Variants in FCHO2 observed in about 807,000 individuals in gnomAD.
FCHO2 encodes FCH and mu domain containing endocytic adaptor 2.
A neutral mutation model predicts 114.1 loss-of-function variants in FCHO2; 43 were observed. The observed-to-expected ratio is 0.38, with a 90% CI of 0.30 to 0.49. The LOEUF (loss-of-function observed/expected upper bound fraction) is 0.49. Ranked by LOEUF, FCHO2 falls within the 20% of genes least tolerant of loss-of-function variation. The pLI, the probability that FCHO2 is intolerant of heterozygous loss-of-function variation, is 0.97. For missense variants in FCHO2, 807 were observed against 950.4 expected (o/e 0.85, Z 1.98); for synonymous variants, 293 against 315.2 (o/e 0.93, Z 0.75).
At position 72,990,847 on chromosome 5, in the gene FCHO2, C is replaced by A. The variant is rs377383944; in HGVS notation, c.478C>A (p.Gln160Lys). The A allele has an allele frequency of 6.5e-7, 1 of 1,543,234 alleles. No homozygotes were observed. Among genetic ancestry groups the A allele is most frequent in the African/African-American group, 1.4e-5 (1 of 72,304 alleles). The change falls in exon 5 of 26, where the codon CAA (glutamine) becomes AAA (lysine). Residue 160 changes from glutamine to lysine, a missense_variant. Physicochemically the swap from Gln to Lys is moderately conservative, Grantham distance 53. Transcript: ENST00000430046. ...QERLKKEGAT[Q>K]REIEKAAVKS... ...GCGTTTGAAAAAGGAAGGAGCTACA[C>A]AAAGAGAAATAGAAAAGGTAATCAT...
chr5:72,958,712 C>T (rs1751693214), intron 1 of FCHO2, among the ~76,000 whole-genome samples: 1 of 152,106 alleles, frequency 6.6e-6, no homozygotes, highest in African/African-American at 2.4e-5. Context: ...TAGGATTAGC[C>T]TGTCAATTTT....
At chr5:73,010,109 C>T (rs1046180222) in intron 6 of FCHO2, among the ~76,000 whole-genome samples, 1 of 152,066 alleles carries the variant, frequency 6.6e-6, no homozygotes, top group Non-Finnish European at 1.5e-5. Context: ...ACTGTTTTTC[C>T]AGGCCAGCTG....
chr5:72,981,349 C>T (rs758775443), intron 2 of FCHO2, among the ~76,000 whole-genome samples: 2 of 152,128 alleles, frequency 1.3e-5, no homozygotes, highest in Admixed American at 6.5e-5. Context: ...GTGGGTAACC[C>T]GACCTTTCTC....
intron 2 of FCHO2, among the ~76,000 whole-genome samples, chr5:72,980,685 C>G (rs73098075): frequency 0.01 from 1,534 of 152,248 alleles, 27 homozygotes; most frequent in African/African-American, 0.035. Context: ...GCATTGATAC[C>G]TTTACTGTTA....
chr5:73,016,846 G>A (rs577154394), intron 7 of FCHO2, among the ~76,000 whole-genome samples: 4 of 152,164 alleles, frequency 2.6e-5, no homozygotes, highest in African/African-American at 4.8e-5. Context: ...GCAGTGAGCC[G>A]TGACACCCAG....
chr5:73,014,947 G>A (rs1038320010), intron 6 of FCHO2, among the ~76,000 whole-genome samples: 1 of 151,538 alleles, frequency 6.6e-6, no homozygotes, highest in Non-Finnish European at 1.5e-5. Context: ...ATGGTGGTGG[G>A]CACCTGTAGT....
intron 3 of FCHO2, 28 bp from the exon 4 acceptor site, chr5:72,990,450 G>C: frequency 6.8e-7 from 1 of 1,466,994 alleles, no homozygotes; most frequent in African/African-American, 1.5e-5. Context: ...CTTTTAATAA[G>C]TTATTCCCAT....
At position 73,038,332 on chromosome 5, in the gene FCHO2, C is replaced by T. The variant is rs552847945; in HGVS notation, c.914+1117C>T. 2.0e-5 allele frequency among the ~76,000 whole-genome samples: 3 copies of T among 152,152 alleles called. No individual in the cohort carries two copies. In the South Asian group the frequency reaches 6.2e-4, roughly 32 times the overall value. ...AGCCCCTTTGATTCCTAATGTATAC[C>T]TGGGGTTAAGAATCTTTGAGCCGTG... On this transcript the variant is annotated intron_variant, in intron 10 of 25. Coordinates refer to ENST00000430046, the MANE Select transcript of FCHO2 (RefSeq NM_138782.3).
At chr5:73,079,039 T>C (rs2112891436) in intron 22 of FCHO2, among the ~76,000 whole-genome samples, 1 of 152,300 alleles carries the variant, frequency 6.6e-6, no homozygotes, top group East Asian at 1.9e-4. Context: ...TCTTTGTGTT[T>C]GGAGGCTTGA....
chr5:73,068,739 A>G lies in FCHO2; in HGVS notation c.1539A>G (p.Ser513=), dbSNP rs1239357335. ...GGGCAGAAAGTTCTTCTTCTATCTC[A>G]TCATCTGCTTCATTGAGTGCTGCCA... The part of the protein sequence containing the change: ...LARAESSSSI[S]SSASLSAANT... Residue 513 remains serine (S), a synonymous_variant, in exon 19 of 26, where the codon TCA becomes TCG. Transcript: ENST00000430046. 2 of 1,612,016 alleles carry G rather than the reference A, an allele frequency of 1.2e-6. No individual in the cohort carries two copies. The highest frequency in any genetic ancestry group is 1.1e-5 in the South Asian group (1 of 91,026).
chr5:72,986,376 C>A (rs1753522708), intron 2 of FCHO2, among the ~76,000 whole-genome samples: 1 of 151,994 alleles, frequency 6.6e-6, no homozygotes. Flanking sequence ...CTTTAGTGGA[C>A]CTGAACTCTT....
At chr5:72,969,357 A>G (rs1202321271) in intron 2 of FCHO2, among the ~76,000 whole-genome samples, 1 of 152,166 alleles carries the variant, frequency 6.6e-6, no homozygotes, top group African/African-American at 2.4e-5. Context: ...TTCTCCCTTC[A>G]TGGAGTTTAC....
intron 11 of FCHO2, among the ~76,000 whole-genome samples, chr5:73,045,728 A>G (rs550925915): frequency 6.6e-6 from 1 of 152,220 alleles, no homozygotes; most frequent in East Asian, 1.9e-4. Flanking sequence ...ACCTAACTAT[A>G]TTGTTATATT....
chr5:72,959,522 AAAATTCAC>A (rs1350670581), intron 1 of FCHO2, among the ~76,000 whole-genome samples: 1 of 152,194 alleles, frequency 6.6e-6, no homozygotes, highest in Non-Finnish European at 1.5e-5. Flanking sequence ...CAGAAAACTA[AAAATTCAC>A]ATATTTCAGG....
At chr5:72,966,604 T>A (rs1752218720) in intron 1 of FCHO2, among the ~76,000 whole-genome samples, 1 of 152,252 alleles carries the variant, frequency 6.6e-6, no homozygotes, top group Non-Finnish European at 1.5e-5. Flanking sequence ...GTTACAGATG[T>A]GACATTTTAA....
intron 1 of FCHO2, among the ~76,000 whole-genome samples, chr5:72,965,774 T>G (rs1482015012): frequency 1.3e-5 from 2 of 152,328 alleles, no homozygotes; most frequent in Admixed American, 1.3e-4. Flanking sequence ...ATCAAAAATA[T>G]GAATGTTATA....
chr5:72,997,661 C>T, intron 5 of FCHO2: 1 of 1,525,114 alleles, frequency 6.6e-7, no homozygotes, highest in Non-Finnish European at 9.1e-7. Flanking sequence ...GCTCCCCCTT[C>T]ACCTGAGTTG....
intron 10 of FCHO2, chr5:73,037,909 C>G: frequency 6.4e-6 from 2 of 313,338 alleles, no homozygotes; most frequent in South Asian, 4.8e-5. Context: ...ACGGCGCCCA[C>G]CACCACATCT....
intron 5 of FCHO2, among the ~76,000 whole-genome samples, chr5:72,999,859 T>C (rs1754335968): frequency 6.6e-6 from 1 of 152,220 alleles, no homozygotes; most frequent in African/African-American, 2.4e-5. Flanking sequence ...GAATAAAACT[T>C]AGATTTGTTT....
Sources: allele counts gnomAD v4.1 joint callset (sites outside exome capture counted in the v4.1 genomes callset), GRCh38; gene constraint gnomAD v4.1.1; transcripts MANE v1.5; gene names NCBI Gene and HGNC (gene_info 2026-07-23, HGNC 2026-07-21).